The following VWC2L variants were observed in gnomAD, a reference collection of about 807,000 sequenced individuals.
VWC2L encodes von Willebrand factor C domain-containing protein 2-like.
Under a neutral mutation model 21.6 loss-of-function variants are expected in VWC2L, and 10 were observed. That is an observed-to-expected ratio of 0.46 (90% CI 0.29 to 0.78). The LOEUF (loss-of-function observed/expected upper bound fraction) is 0.78, where lower values mean the gene tolerates loss of function less well. Ranked by LOEUF, VWC2L falls within the 30% of genes least tolerant of loss-of-function variation. VWC2L has a pLI of 0.10. For missense variants in VWC2L, 209 were observed against 277.1 expected (o/e 0.75, Z 1.74); for synonymous variants, 96 against 94.3 (o/e 1.02, Z -0.10).
chr2:214,526,747 C>T (rs1689345484), intron 3 of VWC2L, among the ~76,000 whole-genome samples: 2 of 152,308 alleles, frequency 1.3e-5, no homozygotes, highest in Admixed American at 1.3e-4. Context: ...AACGCTTATA[C>T]CATGCTGGTG....
intron 3 of VWC2L, among the ~76,000 whole-genome samples, chr2:214,508,988 T>G (rs1414751828): frequency 2.0e-5 from 3 of 152,112 alleles, no homozygotes; most frequent in Non-Finnish European, 4.4e-5. Context: ...TTTCCTTGTC[T>G]TTCTCTTTCA....
chr2:214,453,948 T>G (rs1343514698), intron 3 of VWC2L, among the ~76,000 whole-genome samples: 1 of 152,088 alleles, frequency 6.6e-6, no homozygotes, highest in East Asian at 1.9e-4. Flanking sequence ...CTCGAACTCC[T>G]GAGCTCAGGC....
intron 3 of VWC2L, among the ~76,000 whole-genome samples, chr2:214,471,264 G>A (rs751821945): frequency 3.3e-5 from 5 of 152,130 alleles, no homozygotes; most frequent in Non-Finnish European, 7.3e-5. Flanking sequence ...TACATTGCAT[G>A]TCATGCGTCT....
rs115265540 is a variant in VWC2L at position 214,429,409 on chromosome 2, C to T, written c.391-7220C>T. 2.5e-3 allele frequency among the ~76,000 whole-genome samples: 377 copies of T among 152,222 alleles called. 1 individual carries two copies. Among genetic ancestry groups the T allele is most frequent in the African/African-American group, 8.6e-3 (356 of 41,532 alleles). On this transcript the variant is annotated intron_variant, in intron 2 of 3. Transcript: ENST00000312504. Reference sequence around the variant, plus strand: ...GTATAGGTGTGATACTTCATCAAAACCTCGATTTTATATTAAATCCTCAAG... The same window carrying T: ...GTATAGGTGTGATACTTCATCAAAATCTCGATTTTATATTAAATCCTCAAG...
intron 3 of VWC2L, among the ~76,000 whole-genome samples, chr2:214,463,775 A>C (rs1281925734): frequency 6.6e-6 from 1 of 152,114 alleles, no homozygotes; most frequent in African/African-American, 2.4e-5. Context: ...CTCCTTGTAA[A>C]GGCCTATAAT....
intron 3 of VWC2L, among the ~76,000 whole-genome samples, chr2:214,546,819 T>C (rs1165957842): frequency 1.3e-5 from 2 of 152,134 alleles, no homozygotes; most frequent in African/African-American, 2.4e-5. Context: ...AGAGCTGGCA[T>C]GTTAAAGTGA....
intron 3 of VWC2L, among the ~76,000 whole-genome samples, chr2:214,532,706 G>T (rs1333065190): frequency 6.6e-6 from 1 of 152,114 alleles, no homozygotes; most frequent in Non-Finnish European, 1.5e-5. Context: ...CAAAAAACCT[G>T]ATAATGGCAG....
chr2:214,511,815 T>C (rs1689057910), intron 3 of VWC2L, among the ~76,000 whole-genome samples: 1 of 149,064 alleles, frequency 6.7e-6, no homozygotes, highest in African/African-American at 2.4e-5. Flanking sequence ...AAATAATAGT[T>C]ACACAACACA....
intron 2 of VWC2L, among the ~76,000 whole-genome samples, chr2:214,435,193 C>G (rs769494150): frequency 6.6e-6 from 1 of 152,108 alleles, no homozygotes; most frequent in Non-Finnish European, 1.5e-5. Flanking sequence ...ACGTTCTAAT[C>G]TTTTTCTTAA....
chr2:214,537,742 T>A (rs1484591053), intron 3 of VWC2L, among the ~76,000 whole-genome samples: 1 of 152,136 alleles, frequency 6.6e-6, no homozygotes, highest in Non-Finnish European at 1.5e-5. Context: ...CAAAAATGTA[T>A]GAATGAATGG....
chr2:214,451,314 G>GC (rs1553586379), intron 3 of VWC2L, among the ~76,000 whole-genome samples: 1 of 140,312 alleles, frequency 7.1e-6, no homozygotes, highest in African/African-American at 2.8e-5. Flanking sequence ...GGTGTGGGGG[G>GC]GGGGGGCAGT....
chr2:214,415,422 GTCATACTGATGGCTTTATATA>G (rs1702340331), intron 2 of VWC2L, among the ~76,000 whole-genome samples: 1 of 152,108 alleles, frequency 6.6e-6, no homozygotes. Context: ...TGGAGTGTCT[GTCATACTGATGGCTTTATATA>G]AAATGTTCCC....
At chr2:214,533,746 C>T (rs1352154302) in intron 3 of VWC2L, among the ~76,000 whole-genome samples, 2 of 151,962 alleles carry the variant, frequency 1.3e-5, no homozygotes, top group East Asian at 1.9e-4. Context: ...TTCAGTCAAC[C>T]GAATAAAGAA....
intron 3 of VWC2L, among the ~76,000 whole-genome samples, chr2:214,480,888 A>AAT (rs58085013): frequency 6.7e-6 from 1 of 148,652 alleles, no homozygotes; most frequent in Non-Finnish European, 1.5e-5. Context: ...AAAAAAAAAA[A>AAT]GGTAGATGTA....
At chr2:214,513,370 A>C (rs1257512528) in intron 3 of VWC2L, among the ~76,000 whole-genome samples, 2 of 152,170 alleles carry the variant, frequency 1.3e-5, no homozygotes, top group Admixed American at 6.5e-5. Context: ...TGATTATTGA[A>C]TGACGTCCAG....
rs1169505757 is a variant in VWC2L at position 214,414,209 on chromosome 2, C to A, written c.16C>A (p.His6Asn). The change falls in exon 2 of 4, where the codon CAT (histidine) becomes AAT (asparagine). Residue 6 changes from histidine (H) to asparagine (N), a missense_variant. By Grantham distance (68) the His-to-Asn change is moderately conservative. Transcript: ENST00000312504. MALHI[H>N]EACILLLVIP... ...GAAGAGGGGGATGGCTCTTCATATT[C>A]ATGAAGCTTGCATACTTCTGTTGGT... is the stretch of plus-strand genomic sequence containing the variant. 6.2e-7 allele frequency: 1 copy of A among 1,611,784 alleles called. No homozygotes were observed. The highest frequency in any genetic ancestry group is 1.1e-5 in the South Asian group (1 of 90,760).
At chr2:214,506,286 A>C (rs751998113) in intron 3 of VWC2L, among the ~76,000 whole-genome samples, 19 of 152,194 alleles carry the variant, frequency 1.2e-4, no homozygotes, top group Non-Finnish European at 2.6e-4. Context: ...GCTTTTATAG[A>C]TCTATAAAAT....
chr2:214,538,864 G>C (rs1369984661), intron 3 of VWC2L, among the ~76,000 whole-genome samples: 1 of 152,000 alleles, frequency 6.6e-6, no homozygotes, highest in African/African-American at 2.4e-5. Flanking sequence ...ACTTCTTTCA[G>C]AAATCCACAG....
intron 3 of VWC2L, among the ~76,000 whole-genome samples, chr2:214,513,045 T>C (rs1216886403): frequency 1.3e-5 from 2 of 152,078 alleles, no homozygotes; most frequent in South Asian, 2.1e-4. Flanking sequence ...CACAGCCCTG[T>C]TGAAAAAGGA....
Sources: gnomAD v4.1 joint callset for allele counts (sites outside exome capture counted in the v4.1 genomes callset) on GRCh38, gnomAD v4.1.1 for gene constraint, MANE v1.5 for transcripts, NCBI Gene and HGNC (gene_info 2026-07-23, HGNC 2026-07-21) for gene names.